The following TMEM108 variants were observed in gnomAD, a reference collection of about 807,000 sequenced individuals.
The protein encoded by TMEM108 is cancer/testis antigen 124.
Under a neutral mutation model 35.1 loss-of-function variants are expected in TMEM108, and 12 were observed. The observed-to-expected ratio is 0.34, with a 90% CI of 0.22 to 0.55. TMEM108 has a LOEUF of 0.55. Ranked by LOEUF, TMEM108 falls within the 20% of genes least tolerant of loss-of-function variation. The pLI is 0.89. For synonymous variants in TMEM108, 287 were observed against 308.6 expected (o/e 0.93, Z 0.73); for missense variants, 680 against 753.3 (o/e 0.90, Z 1.14).
At chr3:133,229,759 T>C (rs768771550) in intron 3 of TMEM108, among the ~76,000 whole-genome samples, 3 of 152,238 alleles carry the variant, frequency 2.0e-5, no homozygotes, top group Non-Finnish European at 2.9e-5. Flanking sequence ...AAATGGTAGG[T>C]TGTATTTTCT....
At chr3:133,347,507 G>T (rs2071857811) in intron 3 of TMEM108, among the ~76,000 whole-genome samples, 1 of 151,932 alleles carries the variant, frequency 6.6e-6, no homozygotes, top group Non-Finnish European at 1.5e-5. Flanking sequence ...TTGCTTATTA[G>T]TTCCAGTATT....
chr3:133,241,041 T>G (rs1202045489), intron 3 of TMEM108, among the ~76,000 whole-genome samples: 1 of 151,200 alleles, frequency 6.6e-6, no homozygotes, highest in Non-Finnish European at 1.5e-5. Context: ...TGGGGCTATT[T>G]TTAACCAACA....
At chr3:133,041,857 T>C (rs796402966) in intron 1 of TMEM108, 25 of 152,332 alleles carry the variant, frequency 1.6e-4, no homozygotes, top group African/African-American at 4.3e-4. Flanking sequence ...CAGTAGCTGG[T>C]AAGTACATGC....
chr3:133,088,857 G>A (rs1559828868), intron 2 of TMEM108, among the ~76,000 whole-genome samples: 1 of 152,198 alleles, frequency 6.6e-6, no homozygotes, highest in Non-Finnish European at 1.5e-5. Context: ...GAGACCTGGT[G>A]TGTTAGTCCA....
At chr3:133,133,450 C>T (rs1481956351) in intron 2 of TMEM108, among the ~76,000 whole-genome samples, 1 of 152,128 alleles carries the variant, frequency 6.6e-6, no homozygotes, top group Admixed American at 6.5e-5. Context: ...GTAATGTGAA[C>T]ATAACTTTTA....
At chr3:133,386,900 C>T in intron 4 of TMEM108, 1 of 689,970 alleles carries the variant, frequency 1.4e-6, no homozygotes, top group South Asian at 6.3e-5. Flanking sequence ...CTTCAGTTAC[C>T]TGTTCTGAAA....
At chr3:133,160,872 T>C (rs1291379892) in intron 2 of TMEM108, among the ~76,000 whole-genome samples, 1 of 152,152 alleles carries the variant, frequency 6.6e-6, no homozygotes, top group Non-Finnish European at 1.5e-5. Context: ...GTTTAAAGAT[T>C]TGATGCAAAG....
intron 2 of TMEM108, among the ~76,000 whole-genome samples, chr3:133,203,166 T>G (rs928828254): frequency 1.3e-5 from 2 of 152,266 alleles, no homozygotes; most frequent in Admixed American, 6.5e-5. Context: ...TTGCTGAAGT[T>G]GCTTATCAGC....
intron 2 of TMEM108, among the ~76,000 whole-genome samples, chr3:133,195,367 A>G (rs1205089697): frequency 6.6e-6 from 1 of 152,078 alleles, no homozygotes; most frequent in Admixed American, 6.5e-5. Flanking sequence ...CTTTTTTTCT[A>G]TCATATTTAT....
At chr3:133,278,667 C>T (rs958357850) in intron 3 of TMEM108, among the ~76,000 whole-genome samples, 3 of 152,072 alleles carry the variant, frequency 2.0e-5, no homozygotes, top group African/African-American at 4.8e-5. Context: ...AGAAAAGGTA[C>T]GATGAAAATC....
intron 2 of TMEM108, among the ~76,000 whole-genome samples, chr3:133,110,561 G>A (rs949986223): frequency 6.6e-6 from 1 of 150,758 alleles, no homozygotes; most frequent in African/African-American, 2.4e-5. Flanking sequence ...AGGAAGTGTC[G>A]AGTTGCTGGG....
chr3:133,208,300 G>C (rs1945787623), intron 2 of TMEM108, among the ~76,000 whole-genome samples: 1 of 152,174 alleles, frequency 6.6e-6, no homozygotes, highest in Admixed American at 6.5e-5. Flanking sequence ...AGACCACGTG[G>C]TAACATTACT....
chr3:133,203,790 C>A (rs189236473), intron 2 of TMEM108, among the ~76,000 whole-genome samples: 1 of 152,228 alleles, frequency 6.6e-6, no homozygotes, highest in Admixed American at 6.5e-5. Context: ...ATTTTGGTAT[C>A]AGGATGATGT....
At chr3:133,295,281 G>A (rs1202566898) in intron 3 of TMEM108, among the ~76,000 whole-genome samples, 1 of 152,184 alleles carries the variant, frequency 6.6e-6, no homozygotes, top group Non-Finnish European at 1.5e-5. Context: ...GAGGCTTTGA[G>A]CAAAGCTTTT....
At chr3:133,147,371 T>G (rs1054743683) in intron 2 of TMEM108, among the ~76,000 whole-genome samples, 7 of 152,152 alleles carry the variant, frequency 4.6e-5, no homozygotes, top group Non-Finnish European at 1.0e-4. Flanking sequence ...ATGTGTTCCC[T>G]TTTCTTTGAA....
At chr3:133,276,582 C>T (rs1032564528) in intron 3 of TMEM108, among the ~76,000 whole-genome samples, 1 of 152,056 alleles carries the variant, frequency 6.6e-6, no homozygotes, top group Non-Finnish European at 1.5e-5. Flanking sequence ...TTATGTAGCC[C>T]CTGATTTGGG....
chr3:133,051,186 G>A (rs1434967000), intron 2 of TMEM108, among the ~76,000 whole-genome samples: 1 of 152,096 alleles, frequency 6.6e-6, no homozygotes, highest in East Asian at 1.9e-4. Context: ...TATTGTCAGC[G>A]TTTCAGATTT....
chr3:133,046,952 G>T (rs989097299), intron 2 of TMEM108, among the ~76,000 whole-genome samples: 3 of 152,136 alleles, frequency 2.0e-5, no homozygotes, highest in East Asian at 1.9e-4. Context: ...GGCTCAGACA[G>T]AGGGCACCCA....
intron 2 of TMEM108, among the ~76,000 whole-genome samples, chr3:133,185,784 CT>C (rs11309146): frequency 0.43 from 54,267 of 126,632 alleles, 11,308 homozygotes; most frequent in Admixed American, 0.54. Context: ...CTTTTCTTTT[CT>C]TTTTTTTTTT....
Sources: allele counts gnomAD v4.1 joint callset (sites outside exome capture counted in the v4.1 genomes callset), GRCh38; gene constraint gnomAD v4.1.1; transcripts MANE v1.5; gene names NCBI Gene and HGNC (gene_info 2026-07-23, HGNC 2026-07-21).